Variants in KCNB2 observed in about 807,000 individuals in gnomAD.
KCNB2 encodes the protein potassium voltage-gated channel subfamily B member 2, also known as delayed rectifier potassium channel protein.
Under a neutral mutation model 61.5 loss-of-function variants are expected in KCNB2, and 15 were observed. The observed-to-expected ratio is 0.24, with a 90% CI of 0.16 to 0.38. The LOEUF is 0.38. Ranked by LOEUF, KCNB2 falls within the 10% of genes least tolerant of loss-of-function variation. The pLI is 1.00. For missense variants in KCNB2, 828 were observed against 1,125.2 expected (o/e 0.74, Z 3.78); for synonymous variants, 457 against 446.0 (o/e 1.02, Z -0.31).
intron 2 of KCNB2, among the ~76,000 whole-genome samples, chr8:72,824,609 G>A (rs1354524941): frequency 6.6e-6 from 1 of 152,116 alleles, no homozygotes; most frequent in East Asian, 1.9e-4. Context: ...AACTGCAAAT[G>A]CAGGCCCATC....
At chr8:72,710,094 A>G (rs963964860) in intron 2 of KCNB2, among the ~76,000 whole-genome samples, 2 of 152,046 alleles carry the variant, frequency 1.3e-5, no homozygotes, top group Non-Finnish European at 2.9e-5. Flanking sequence ...ATCCATCAAG[A>G]CATCGTTATC....
chr8:72,814,380 G>C (rs970155640), intron 2 of KCNB2, among the ~76,000 whole-genome samples: 4 of 152,112 alleles, frequency 2.6e-5, no homozygotes, highest in African/African-American at 9.7e-5. Context: ...ACACGTCACT[G>C]AATAGGCAAA....
At chr8:72,837,303 T>C (rs930335298) in intron 2 of KCNB2, among the ~76,000 whole-genome samples, 1 of 152,220 alleles carries the variant, frequency 6.6e-6, no homozygotes, top group African/African-American at 2.4e-5. Context: ...GAAGCTCTTG[T>C]GCCTCTGTTC....
chr8:72,670,347 G>C (rs1333939713), intron 2 of KCNB2, among the ~76,000 whole-genome samples: 1 of 152,190 alleles, frequency 6.6e-6, no homozygotes, highest in Non-Finnish European at 1.5e-5. Flanking sequence ...ACTTGGAATA[G>C]ATTAATTCTG....
intron 2 of KCNB2, among the ~76,000 whole-genome samples, chr8:72,886,483 T>C (rs1298697883): frequency 1.3e-5 from 2 of 152,232 alleles, no homozygotes; most frequent in African/African-American, 4.8e-5. Context: ...TCCTCTTTCT[T>C]TCCTAGACAT....
intron 2 of KCNB2, among the ~76,000 whole-genome samples, chr8:72,851,896 C>T (rs142521025): frequency 5.8e-4 from 80 of 137,656 alleles, no homozygotes; most frequent in African/African-American, 2.1e-3. Context: ...TTACAGGTTC[C>T]TGATTAGATA....
intron 1 of KCNB2, among the ~76,000 whole-genome samples, chr8:72,556,305 C>CT (rs376041858): frequency 5.3e-5 from 8 of 152,032 alleles, no homozygotes; most frequent in African/African-American, 1.7e-4. Flanking sequence ...ATCTGCCTTA[C>CT]TTTTTTACCA....
chr8:72,687,014 A>C (rs547859008), intron 2 of KCNB2, among the ~76,000 whole-genome samples: 5 of 152,304 alleles, frequency 3.3e-5, no homozygotes, highest in Admixed American at 2.6e-4. Context: ...TCATAGCATC[A>C]GTTACCTAGG....
intron 2 of KCNB2, among the ~76,000 whole-genome samples, chr8:72,657,357 T>G (rs144650578): frequency 0.014 from 2,106 of 152,272 alleles, 46 homozygotes; most frequent in Non-Finnish European, 0.013. Flanking sequence ...ACAGGATTTT[T>G]TTAATCAAAA....
At chr8:72,644,450 C>A (rs1250580954) in intron 2 of KCNB2, among the ~76,000 whole-genome samples, 1 of 152,082 alleles carries the variant, frequency 6.6e-6, no homozygotes, top group African/African-American at 2.4e-5. Flanking sequence ...ATTCAACTTG[C>A]AATGTAATAT....
At chr8:72,869,136 A>G (rs1002230921) in intron 2 of KCNB2, among the ~76,000 whole-genome samples, 3 of 152,200 alleles carry the variant, frequency 2.0e-5, no homozygotes, top group Non-Finnish European at 2.9e-5. Flanking sequence ...CTGCACAGAG[A>G]TAAGAACTGG....
intron 2 of KCNB2, among the ~76,000 whole-genome samples, chr8:72,723,916 A>C (rs1271965891): frequency 6.6e-6 from 1 of 152,188 alleles, no homozygotes; most frequent in Non-Finnish European, 1.5e-5. Flanking sequence ...AGTACTCTCT[A>C]TGTGTGCATT....
chr8:72,666,107 A>C (rs1396301929), intron 2 of KCNB2, among the ~76,000 whole-genome samples: 1 of 152,220 alleles, frequency 6.6e-6, no homozygotes, highest in Non-Finnish European at 1.5e-5. Context: ...CCTTTTCAAG[A>C]CTACTTGACA....
At chr8:72,852,099 A>T (rs1284834541) in intron 2 of KCNB2, among the ~76,000 whole-genome samples, 3 of 152,032 alleles carry the variant, frequency 2.0e-5, no homozygotes, top group East Asian at 3.9e-4. Flanking sequence ...AAAATAAAAA[A>T]TTCAGAAACA....
chr8:72,931,063 C>T (rs189244087), intron 2 of KCNB2, among the ~76,000 whole-genome samples: 2,468 of 152,258 alleles, frequency 0.016, 33 homozygotes, highest in Non-Finnish European at 0.023. Context: ...GAATCCTTTC[C>T]GCATTTCTTG....
At chr8:72,749,739 T>A (rs1435324660) in intron 2 of KCNB2, among the ~76,000 whole-genome samples, 1 of 146,840 alleles carries the variant, frequency 6.8e-6, no homozygotes, top group Non-Finnish European at 1.5e-5. Context: ...TAATACATAT[T>A]ACTTTTTTGT....
rs145675980 is a variant in KCNB2, at chr8:72,764,190, G to A, written c.580-171745G>A. ...CTGAGAGTTGGCAGAGCACAGTGAC[G>A]GAGAAAGGCAGGATGGATAAGATGA... On this transcript the variant is annotated intron_variant, in intron 2 of 2. Coordinates refer to ENST00000523207, the MANE Select transcript of KCNB2 (RefSeq NM_004770.3). 3.6e-3 allele frequency among the ~76,000 whole-genome samples: 542 copies of A among 152,248 alleles called. 3 individuals are homozygous for A. Among genetic ancestry groups the A allele is most frequent in the African/African-American group, 0.012 (483 of 41,542 alleles).
At chr8:72,868,322 G>C (rs1805564618) in intron 2 of KCNB2, among the ~76,000 whole-genome samples, 1 of 151,632 alleles carries the variant, frequency 6.6e-6, no homozygotes, top group African/African-American at 2.4e-5. Flanking sequence ...GCTCACACCT[G>C]TAATCCCAGC....
chr8:72,931,347 A>G (rs989459343), intron 2 of KCNB2, among the ~76,000 whole-genome samples: 1 of 152,188 alleles, frequency 6.6e-6, no homozygotes, highest in Non-Finnish European at 1.5e-5. Context: ...AGTCATTGGT[A>G]GCTTGATGGG....
Sources: gnomAD v4.1 joint callset for allele counts (sites outside exome capture counted in the v4.1 genomes callset) on GRCh38, gnomAD v4.1.1 for gene constraint, MANE v1.5 for transcripts, NCBI Gene and HGNC (gene_info 2026-07-23, HGNC 2026-07-21) for gene names.